Variants in BACH2 observed in about 807,000 individuals in gnomAD.
BACH2 encodes the protein transcription regulator protein BACH2.
Under a neutral mutation model 61.8 loss-of-function variants are expected in BACH2, and 5 were observed. The ratio of observed to expected loss-of-function variants is 0.08; its 90% CI spans 0.04 to 0.17. The LOEUF is 0.17. Ranked by LOEUF, BACH2 falls within the 10% of genes least tolerant of loss-of-function variation. BACH2 has a pLI of 1.00. For missense variants in BACH2, 824 were observed against 1,091.1 expected (o/e 0.76, Z 3.45); for synonymous variants, 446 against 440.1 (o/e 1.01, Z -0.17).
At chr6:90,256,477 A>G (rs1770983173) in intron 2 of BACH2, among the ~76,000 whole-genome samples, 1 of 152,222 alleles carries the variant, frequency 6.6e-6, no homozygotes, top group African/African-American at 2.4e-5. Flanking sequence ...AAACTACAAG[A>G]TGGAAGGAAT....
intron 5 of BACH2, among the ~76,000 whole-genome samples, chr6:90,037,094 C>A (rs1305574597): frequency 6.6e-6 from 1 of 152,104 alleles, no homozygotes; most frequent in African/African-American, 2.4e-5. Context: ...GTGGTGAGAA[C>A]CATGGGATTC....
At chr6:90,196,127 CTT>C (rs60187570) in intron 4 of BACH2, among the ~76,000 whole-genome samples, 8 of 143,034 alleles carry the variant, frequency 5.6e-5, no homozygotes, top group Non-Finnish European at 6.1e-5. Context: ...AATGCAAGTA[CTT>C]TTTTTTTTTT....
At chr6:90,139,640 A>G (rs909490639) in intron 4 of BACH2, among the ~76,000 whole-genome samples, 4 of 152,222 alleles carry the variant, frequency 2.6e-5, no homozygotes, top group Non-Finnish European at 2.9e-5. Flanking sequence ...ACAAACCAAC[A>G]GTCCTTCAAC....
At chr6:90,107,417 T>C (rs1782971735) in intron 4 of BACH2, among the ~76,000 whole-genome samples, 1 of 152,096 alleles carries the variant, frequency 6.6e-6, no homozygotes, top group Admixed American at 6.6e-5. Flanking sequence ...CACCCCATGT[T>C]ATAGCCAACA....
intron 1 of BACH2, among the ~76,000 whole-genome samples, chr6:90,295,471 T>C: frequency 1.3e-5 from 2 of 151,956 alleles, no homozygotes; most frequent in East Asian, 3.9e-4. Flanking sequence ...CGTGGGCACC[T>C]AGGGTAGCCC....
chr6:90,256,414 G>C (rs1770981782), intron 2 of BACH2, among the ~76,000 whole-genome samples: 1 of 152,126 alleles, frequency 6.6e-6, no homozygotes, highest in African/African-American at 2.4e-5. Flanking sequence ...CCCCTCTCTT[G>C]ATGTGATGCA....
At position 90,221,800 on chromosome 6, in the gene BACH2, G is replaced by A. The variant is rs373831143; in HGVS notation, c.-274-15119C>T. On this transcript the variant is annotated intron_variant, in intron 3 of 8. Transcript: ENST00000257749. ...CTGAATGTGAAAAAAATTAAAACCC[G>A]TAAGTATAAACAGGGTTGGTGAGTC... Among the ~76,000 whole-genome samples, 12 of 152,256 alleles carry A rather than the reference G, an allele frequency of 7.9e-5. No individual in the cohort carries two copies. In the East Asian group the frequency reaches 9.6e-4, roughly 12 times the overall value.
At chr6:90,087,068 G>A (rs773057878) in intron 5 of BACH2, among the ~76,000 whole-genome samples, 1 of 151,938 alleles carries the variant, frequency 6.6e-6, no homozygotes, top group Non-Finnish European at 1.5e-5. Flanking sequence ...TGATATTGGG[G>A]GTTTTATTTT....
At chr6:90,046,479 G>A (rs1473629557) in intron 5 of BACH2, among the ~76,000 whole-genome samples, 1 of 152,160 alleles carries the variant, frequency 6.6e-6, no homozygotes, top group African/African-American at 2.4e-5. Flanking sequence ...TAATATTTGT[G>A]GATCCCTAAC....
chr6:90,195,307 CAG>C (rs1281664266), intron 4 of BACH2, among the ~76,000 whole-genome samples: 1 of 152,140 alleles, frequency 6.6e-6, no homozygotes, highest in Non-Finnish European at 1.5e-5. Context: ...AAGAAGCAGA[CAG>C]AGAGCAAGGA....
At chr6:90,200,676 G>A (rs930504844) in intron 4 of BACH2, among the ~76,000 whole-genome samples, 6 of 152,056 alleles carry the variant, frequency 3.9e-5, no homozygotes, top group Non-Finnish European at 7.4e-5. Flanking sequence ...TAGAAAAGCT[G>A]AAAATACCAA....
chr6:89,961,157 C>T (rs1296440440), intron 6 of BACH2, among the ~76,000 whole-genome samples: 1 of 152,076 alleles, frequency 6.6e-6, no homozygotes, highest in African/African-American at 2.4e-5. Context: ...ATACAAGGAA[C>T]TATATTCATA....
At chr6:90,105,376 T>C (rs573248659) in intron 4 of BACH2, among the ~76,000 whole-genome samples, 2 of 152,228 alleles carry the variant, frequency 1.3e-5, no homozygotes, top group Non-Finnish European at 2.9e-5. Flanking sequence ...CAAACCATAA[T>C]TTTTACAAAA....
chr6:90,270,417 C>G (rs930684395), intron 2 of BACH2, among the ~76,000 whole-genome samples: 5 of 152,110 alleles, frequency 3.3e-5, no homozygotes, highest in Admixed American at 1.3e-4. Flanking sequence ...AGTAGCACTG[C>G]TATACACCAA....
intron 4 of BACH2, among the ~76,000 whole-genome samples, chr6:90,144,892 C>A (rs1784567680): frequency 6.6e-6 from 1 of 152,184 alleles, no homozygotes; most frequent in Non-Finnish European, 1.5e-5. Context: ...CATTAACCAA[C>A]TTCTCTTCCA....
intron 6 of BACH2, among the ~76,000 whole-genome samples, chr6:89,981,327 T>C (rs562807946): frequency 2.8e-5 from 4 of 140,862 alleles, no homozygotes; most frequent in South Asian, 2.3e-4. Flanking sequence ...ATTTTTACTA[T>C]AGACAGGGTT....
chr6:90,012,770 A>G (rs986982420), intron 5 of BACH2, among the ~76,000 whole-genome samples: 3 of 151,750 alleles, frequency 2.0e-5, no homozygotes, highest in Non-Finnish European at 2.9e-5. Flanking sequence ...GGTTCAAGTG[A>G]TTCTCCTGCC....
intron 1 of BACH2, among the ~76,000 whole-genome samples, chr6:90,273,382 C>T (rs1283382924): frequency 6.6e-6 from 1 of 152,064 alleles, no homozygotes; most frequent in Admixed American, 6.6e-5. Context: ...GCAGGAGGGA[C>T]TTGATAATAT....
At chr6:90,027,199 C>G (rs569205024) in intron 5 of BACH2, among the ~76,000 whole-genome samples, 2 of 152,090 alleles carry the variant, frequency 1.3e-5, no homozygotes, top group East Asian at 3.8e-4. Context: ...AATGTTAACA[C>G]GCAGGTCAAA....
Sources: allele counts gnomAD v4.1 joint callset (sites outside exome capture counted in the v4.1 genomes callset), GRCh38; gene constraint gnomAD v4.1.1; transcripts MANE v1.5; gene names NCBI Gene and HGNC (gene_info 2026-07-23, HGNC 2026-07-21).